CPAP: variants seen among roughly 807,000 people sequenced by gnomAD.
CPAP encodes the protein centrosomal P4.1-associated protein.
the CPAP span, chr13:24,882,592 A>T: frequency 6.5e-6 from 1 of 153,722 alleles, no homozygotes; most frequent in Non-Finnish European, 1.4e-5. Flanking sequence ...ATTACATTAC[A>T]AAGTCAGCCT....
chr13:24,923,863 C>T, the CPAP span, among the ~76,000 whole-genome samples: 40 of 152,164 alleles, frequency 2.6e-4, no homozygotes, highest in Non-Finnish European at 4.1e-4. Context: ...GAGTCTCGCT[C>T]TGTTGCCCAG....
chr13:24,893,814 A>G, the CPAP span, among the ~76,000 whole-genome samples: 1 of 152,374 alleles, frequency 6.6e-6, no homozygotes, highest in East Asian at 1.9e-4. Flanking sequence ...AGAGCAATTA[A>G]TATTTACAAA....
the CPAP span, among the ~76,000 whole-genome samples, chr13:24,888,105 A>G: frequency 4.1e-4 from 62 of 152,218 alleles, no homozygotes; most frequent in African/African-American, 1.4e-3. Flanking sequence ...TAATTTTTTA[A>G]AATTCCAGAT....
chr13:24,912,483 T>C, the CPAP span: 19 of 1,033,278 alleles, frequency 1.8e-5, no homozygotes, highest in Non-Finnish European at 2.6e-5. Context: ...GATTTCAGAG[T>C]GAAGGGGAAA....
the CPAP span, among the ~76,000 whole-genome samples, chr13:24,884,837 T>C: frequency 4.6e-5 from 7 of 152,210 alleles, no homozygotes; most frequent in Non-Finnish European, 1.0e-4. Context: ...ATTCGAAAAG[T>C]AAATTTTCCA....
At chr13:24,926,582 C>T in the CPAP span, among the ~76,000 whole-genome samples, 3 of 152,274 alleles carry the variant, frequency 2.0e-5, no homozygotes, top group African/African-American at 7.2e-5. Flanking sequence ...CATCCACCTA[C>T]CTGACCGCCT....
At chr13:24,906,967 T>C in the CPAP span, 6 of 1,611,304 alleles carry the variant, frequency 3.7e-6, no homozygotes, top group Non-Finnish European at 5.1e-6. Context: ...CTTCCTAAAA[T>C]AAAAGAATAA....
the CPAP span, among the ~76,000 whole-genome samples, chr13:24,928,278 C>T: frequency 3.9e-5 from 6 of 152,136 alleles, no homozygotes; most frequent in Non-Finnish European, 5.9e-5. Flanking sequence ...CCAGGTGATC[C>T]GGGCTAGAAA....
chr13:24,927,905 C>A, the CPAP span, among the ~76,000 whole-genome samples: 1 of 152,182 alleles, frequency 6.6e-6, no homozygotes, highest in East Asian at 1.9e-4. Context: ...TTGGAAATAT[C>A]TTGGATATAT....
At chr13:24,904,362 TTAAGAA>T in the CPAP span, among the ~76,000 whole-genome samples, 46 of 152,302 alleles carry the variant, frequency 3.0e-4, no homozygotes, top group East Asian at 6.4e-3. Flanking sequence ...TATAAATAGC[TTAAGAA>T]TAAGTAATCC....
chr13:24,896,953 A>G, the CPAP span, among the ~76,000 whole-genome samples: 1 of 152,254 alleles, frequency 6.6e-6, no homozygotes, highest in African/African-American at 2.4e-5. Context: ...GTTCACTAAA[A>G]ACAGCCATAC....
the CPAP span, chr13:24,885,518 C>G: frequency 3.3e-6 from 4 of 1,219,164 alleles, no homozygotes; most frequent in East Asian, 9.3e-5. Context: ...CTTTTTTACA[C>G]GTGGTTTAGA....
chr13:24,905,777 A>G, the CPAP span: 1 of 1,614,138 alleles, frequency 6.2e-7, no homozygotes. Flanking sequence ...ATCCAGATCA[A>G]CATCTCTCCT....
At chr13:24,910,331 C>A in the CPAP span, among the ~76,000 whole-genome samples, 1 of 152,338 alleles carries the variant, frequency 6.6e-6, no homozygotes, top group Non-Finnish European at 1.5e-5. Context: ...TCAAGTGATT[C>A]TCGTGCCTCA....
At chr13:24,922,716 G>A in the CPAP span, 7 of 152,400 alleles carry the variant, frequency 4.6e-5, no homozygotes, top group African/African-American at 1.7e-4. Flanking sequence ...TCCGGCGCAG[G>A]GCGGCGGACA....
At chr13:24,907,230 A>C in the CPAP span, 3 of 1,495,922 alleles carry the variant, frequency 2.0e-6, no homozygotes, top group Non-Finnish European at 1.9e-6. Context: ...CATGCAAATC[A>C]TAATGTGTGA....
At chr13:24,888,280 A>G in the CPAP span, among the ~76,000 whole-genome samples, 1 of 152,184 alleles carries the variant, frequency 6.6e-6, no homozygotes, top group African/African-American at 2.4e-5. Context: ...CAAACTGAAA[A>G]GCCAAACCCA....
the CPAP span, among the ~76,000 whole-genome samples, chr13:24,922,032 C>G: frequency 6.6e-6 from 1 of 152,122 alleles, no homozygotes; most frequent in Non-Finnish European, 1.5e-5. Flanking sequence ...ATATCAAAAT[C>G]TGAAGGACAC....
chr13:24,889,686 A>G, the CPAP span, among the ~76,000 whole-genome samples: 2 of 152,078 alleles, frequency 1.3e-5, no homozygotes, highest in Admixed American at 6.6e-5. Flanking sequence ...GCAGAGGAGG[A>G]GCACACAGGC....
Sources: allele counts gnomAD v4.1 joint callset (sites outside exome capture counted in the v4.1 genomes callset), GRCh38; gene constraint gnomAD v4.1.1; transcripts MANE v1.5; gene names NCBI Gene and HGNC (gene_info 2026-07-23, HGNC 2026-07-21).